Variants in PDK4 observed in about 807,000 individuals in gnomAD.
The protein encoded by PDK4 is pyruvate dehydrogenase kinase, isozyme 4.
A neutral mutation model predicts 51.7 loss-of-function variants in PDK4; 43 were observed. The observed-to-expected ratio is 0.83, with a 90% CI of 0.65 to 1.07. The LOEUF (loss-of-function observed/expected upper bound fraction) is 1.07, where lower values mean the gene tolerates loss of function less well. Among genes scored for constraint, PDK4 ranks in the 50% least tolerant of loss-of-function variants. The pLI is 0.00. For synonymous variants in PDK4, 170 were observed against 176.6 expected, an observed-to-expected ratio of 0.96 and a Z score of 0.30; for missense variants, 498 against 503.5, an observed-to-expected ratio of 0.99 and a Z score of 0.10.
At chr7:95,587,877 T>A in intron 7 of PDK4, 52 bp from the exon 8 acceptor site, 5 of 1,118,174 alleles carry the variant, frequency 4.5e-6, no homozygotes, top group Non-Finnish European at 6.7e-6. Flanking sequence ...TGAGGGACAA[T>A]AAATGTTTTT....
intron 5 of PDK4, 149 bp downstream of exon 5, chr7:95,592,362 C>A: frequency 1.6e-6 from 1 of 622,968 alleles, no homozygotes; most frequent in Non-Finnish European, 2.9e-6. Flanking sequence ...TACTGACTCT[C>A]AAAAGCAAAG....
At chr7:95,588,456 A>G (rs1024279470) in intron 7 of PDK4, among the ~76,000 whole-genome samples, 1 of 152,216 alleles carries the variant, frequency 6.6e-6, no homozygotes, top group Non-Finnish European at 1.5e-5. Flanking sequence ...TTTTCCGTCT[A>G]TTGGCTGAAT....
At chr7:95,594,946 G>A in intron 2 of PDK4, 77 bp downstream of exon 2, 1 of 912,024 alleles carries the variant, frequency 1.1e-6, no homozygotes, top group Admixed American at 2.6e-5. Flanking sequence ...TTCCAATTAT[G>A]ATGTTAACAT....
At chr7:95,588,643 TAGGAAAC>T (rs1180624379) in intron 7 of PDK4, among the ~76,000 whole-genome samples, 4 of 152,190 alleles carry the variant, frequency 2.6e-5, no homozygotes, top group Non-Finnish European at 4.4e-5. Context: ...TAGAATAAGT[TAGGAAAC>T]AGGAAGTTCT....
intron 6 of PDK4, 69 bp from the exon 7 acceptor site, chr7:95,589,785 T>C (rs2116714515): frequency 1.1e-6 from 1 of 880,590 alleles, no homozygotes; most frequent in African/African-American, 1.7e-5. Context: ...CACATTCATG[T>C]GATTAACATT....
rs1791570988 is a variant in PDK4, at chr7:95,592,946, TA to T, written c.345-3del. 1.3e-6 allele frequency: 2 copies of T among 1,562,146 alleles called. No individual in the cohort carries two copies. Reference sequence around the variant, plus strand: ...ACTTTGATGAGTGTATCTACAAAGCTAAGCCACAATATTTATGGTTAGTAAA... The same window carrying T: ...ACTTTGATGAGTGTATCTACAAAGCTAGCCACAATATTTATGGTTAGTAAA... On this transcript the variant is annotated splice_polypyrimidine_tract_variant and splice_region_variant and intron_variant, in intron 3 of 10. Transcript: ENST00000005178.
rs1353983686 is a variant in PDK4, at chr7:95,596,195, G to A, written c.99C>T (p.Ser33=). The stretch of plus-strand genomic sequence containing the variant: ...CCAGTAGCTGCTTCATGGACAGCGG[G>A]GACGGGCTGTAGCGCGAGAAATGCT... ...EVEHFSRYSP[S]PLSMKQLLDF... The change falls in exon 1 of 11, where the codon TCC becomes TCT. Residue 33 remains serine (S), a synonymous_variant. Transcript: ENST00000005178. 2 of 1,603,662 alleles carry A rather than the reference G, an allele frequency of 1.2e-6. No homozygotes were observed. Among genetic ancestry groups the A allele is most frequent in the Non-Finnish European group, 1.7e-6 (2 of 1,175,418 alleles).
chr7:95,593,092 C>G lies in PDK4; in HGVS notation c.345-148G>C, dbSNP rs1584124221. 8.1e-6 allele frequency: 4 copies of G among 494,554 alleles called. No individual in the cohort carries two copies. In the East Asian group the frequency reaches 1.2e-4, roughly 15 times the overall value. The allele number at this position is 494,554 out of a possible 1,614,324, so 30.6% of individuals were successfully genotyped here. On this transcript the variant is annotated intron_variant, in intron 3 of 10. Coordinates refer to ENST00000005178, the MANE Select transcript of PDK4 (RefSeq NM_002612.4). ...AAAACATTAGTCCTTTATTAGTAAT[C>G]TCACTACAGATTCTTCCACTAGAGT...
intron 5 of PDK4, 109 bp from the exon 6 acceptor site, chr7:95,592,174 A>G: frequency 1.8e-6 from 1 of 559,192 alleles, no homozygotes; most frequent in South Asian, 3.5e-5. Context: ...TCACTAAGGT[A>G]CAGGTTTATG....
intron 2 of PDK4, 196 bp downstream of exon 2, chr7:95,594,827 G>A (rs1033445810): frequency 5.4e-6 from 2 of 367,334 alleles, no homozygotes; most frequent in Middle Eastern, 1.4e-3. Flanking sequence ...CTTTTTCAGG[G>A]TAAAAATGTC....
chr7:95,592,791 A>G lies in PDK4; in HGVS notation c.498T>C (p.Arg166=), dbSNP rs1260906368. 3 of 1,613,074 alleles carry G rather than the reference A, an allele frequency of 1.9e-6. No individual in the cohort carries two copies. The highest frequency in any genetic ancestry group is 2.5e-6 in the Non-Finnish European group (3 of 1,179,424). ...QYFLDRFYMN[R]ISTRMLMNQH... is the part of the protein sequence containing the mutation. The stretch of plus-strand genomic sequence containing the variant: ...GGTTCATCAGCATCCGAGTAGAAAT[A>G]CGGTTCATGTAAAATCGATCCAAGA... Residue 166 remains arginine, a synonymous_variant, in exon 4 of 11, where the codon CGT becomes CGC. Transcript: ENST00000005178.
Position 95,587,485 on chromosome 7 carries a change from C to A in PDK4, c.914G>T (p.Arg305Leu). The part of the protein sequence containing the change: ...GGGVPLRIID[R>L]LFSYTYSTAP... ...AGTGGAGTATGTATAACTAAAGAGG[C>A]GGTCAATAATTCTCAGGGGAACACC... Residue 305 changes from arginine to leucine, a missense_variant, in exon 9 of 11, where the codon CGC becomes CTC. By Grantham distance (102) the Arg-to-Leu change is moderately radical. Coordinates refer to ENST00000005178, the MANE Select transcript of PDK4 (RefSeq NM_002612.4). 2 of 1,610,764 alleles carry A rather than the reference C, an allele frequency of 1.2e-6. No homozygotes were observed. The highest frequency in any genetic ancestry group is 8.5e-7 in the Non-Finnish European group (1 of 1,176,988).
In PDK4 at chr7:95,596,420, G is replaced by T. The variant is rs1791623728; in HGVS notation, c.-127C>A. 5 of 1,038,490 alleles carry T rather than the reference G, an allele frequency of 4.8e-6. No individual in the cohort carries two copies. The highest frequency in any genetic ancestry group is 6.5e-6 in the Non-Finnish European group (5 of 763,472). 64.3% of individuals were successfully genotyped at this position (1,038,490 alleles called of 1,614,324 possible). On this transcript the variant is annotated 5_prime_UTR_variant, in exon 1 of 11. Transcript: ENST00000005178. ...GGACTGCAGGTGCGCTGGCTGGCTTGTGCGCCCCGGCCTGGGCTGGGGTTT... is the reference window on the plus strand; with the variant it reads ...GGACTGCAGGTGCGCTGGCTGGCTTTTGCGCCCCGGCCTGGGCTGGGGTTT...
intron 9 of PDK4, 47 bp from the exon 10 acceptor site, chr7:95,587,170 G>T (rs771219429): frequency 8.9e-7 from 1 of 1,123,016 alleles, no homozygotes; most frequent in Non-Finnish European, 1.3e-6. Flanking sequence ...TGTGATCACT[G>T]AAATACAAAC....
chr7:95,594,916 T>C, intron 2 of PDK4, 107 bp downstream of exon 2: 1 of 621,706 alleles, frequency 1.6e-6, no homozygotes, highest in Non-Finnish European at 2.7e-6. Flanking sequence ...CAAAAGTAGT[T>C]ACCATTCAGA....
intron 8 of PDK4, 54 bp downstream of exon 8, chr7:95,587,673 G>T (rs1222929274): frequency 1.6e-5 from 20 of 1,271,030 alleles, no homozygotes; most frequent in Non-Finnish European, 2.2e-5. Flanking sequence ...TATTACTATT[G>T]ACCCTATTTA....
At chr7:95,591,078 C>T (rs1271561423) in intron 6 of PDK4, among the ~76,000 whole-genome samples, 5 of 152,130 alleles carry the variant, frequency 3.3e-5, no homozygotes, top group African/African-American at 1.2e-4. Context: ...GCTGGGACTA[C>T]ACGTGTGTGC....
intron 10 of PDK4, among the ~76,000 whole-genome samples, chr7:95,586,206 T>TTTTTG (rs1791480894): frequency 6.7e-6 from 1 of 149,136 alleles, no homozygotes; most frequent in African/African-American, 2.5e-5. Flanking sequence ...TTTTTTTTTT[T>TTTTTG]TTTTTTGAGA....
At chr7:95,590,754 A>G (rs1329849396) in intron 6 of PDK4, among the ~76,000 whole-genome samples, 1 of 152,216 alleles carries the variant, frequency 6.6e-6, no homozygotes, top group African/African-American at 2.4e-5. Flanking sequence ...ATTACTTGAG[A>G]AAGATGTTTA....
Sources: allele counts gnomAD v4.1 joint callset (sites outside exome capture counted in the v4.1 genomes callset), GRCh38; gene constraint gnomAD v4.1.1; transcripts MANE v1.5; gene names NCBI Gene and HGNC (gene_info 2026-07-23, HGNC 2026-07-21).